CHD6: variants seen among roughly 807,000 people sequenced by gnomAD.
CHD6 encodes ATP-dependent chromatin remodeler CHD6.
CHD6 carries 50 observed loss-of-function variants against 276.9 expected under a neutral mutation model. The observed-to-expected ratio is 0.18, with a 90% CI of 0.14 to 0.23. The LOEUF (loss-of-function observed/expected upper bound fraction) is 0.23. CHD6 is among the 10% of genes least tolerant of loss of function. The probability of loss-of-function intolerance (pLI) is 1.00; values close to 1 mark genes in which losing one functional copy is unlikely to be tolerated. For missense variants in CHD6, 2,564 were observed against 3,365.8 expected (o/e 0.76, Z 5.89); for synonymous variants, 1,173 against 1,229.3 (o/e 0.95, Z 0.96).
chr20:41,535,649 A>G (rs570244452), intron 2 of CHD6, among the ~76,000 whole-genome samples: 1 of 152,308 alleles, frequency 6.6e-6, no homozygotes, highest in South Asian at 2.1e-4. Context: ...ACTTGAGGTC[A>G]GGAGTTAGAG....
At chr20:41,555,750 C>T (rs1277156298) in intron 1 of CHD6, among the ~76,000 whole-genome samples, 2 of 151,180 alleles carry the variant, frequency 1.3e-5, no homozygotes, top group Admixed American at 6.6e-5. Context: ...CGGGCAGAGA[C>T]GCTCCTCACT....
At chr20:41,456,556 G>A (rs1203678814) in intron 18 of CHD6, among the ~76,000 whole-genome samples, 1 of 152,066 alleles carries the variant, frequency 6.6e-6, no homozygotes, top group African/African-American at 2.4e-5. Context: ...GGAATTCCAT[G>A]ACTCTCTGCA....
chr20:41,456,618 T>C (rs535612758), intron 18 of CHD6, among the ~76,000 whole-genome samples: 17 of 152,222 alleles, frequency 1.1e-4, no homozygotes, highest in Non-Finnish European at 2.4e-4. Context: ...TAAGAGGATA[T>C]GGAACATCTG....
chr20:41,615,349 C>CAAAA lies in CHD6; in HGVS notation c.-24+2987_-24+2990dup, dbSNP rs11379388. On this transcript the variant is annotated intron_variant, in intron 1 of 36. Coordinates refer to ENST00000373233, the MANE Select transcript of CHD6 (RefSeq NM_032221.5). ...CTCACAAGCATGTCACATTCCATTG[C>CAAAA]AAAAAAAAAAAAAAAAGTTCTCTAG... Among the ~76,000 whole-genome samples, 151 of 124,350 alleles carry CAAAA rather than the reference C, an allele frequency of 1.2e-3. 1 individual carries two copies. Among genetic ancestry groups the CAAAA allele is most frequent in the East Asian group, 9.5e-3 (43 of 4,504 alleles). 81.6% of individuals were successfully genotyped at this position (124,350 alleles called of 152,430 possible).
intron 3 of CHD6, among the ~76,000 whole-genome samples, chr20:41,528,337 T>C (rs1289430352): frequency 6.6e-6 from 1 of 152,206 alleles, no homozygotes; most frequent in Non-Finnish European, 1.5e-5. Flanking sequence ...TGCATAGGTA[T>C]GTGTATATGT....
At chr20:41,442,429 G>C (rs1169634345) in intron 25 of CHD6, among the ~76,000 whole-genome samples, 1 of 152,202 alleles carries the variant, frequency 6.6e-6, no homozygotes, top group African/African-American at 2.4e-5. Flanking sequence ...TCCAGCCTGA[G>C]TGACAGAGTG....
At chr20:41,444,156 G>A (rs2047990625) in intron 25 of CHD6, among the ~76,000 whole-genome samples, 1 of 152,112 alleles carries the variant, frequency 6.6e-6, no homozygotes, top group Non-Finnish European at 1.5e-5. Flanking sequence ...ACTGTCTTCT[G>A]GGGTCCTTCC....
intron 23 of CHD6, among the ~76,000 whole-genome samples, chr20:41,450,123 A>C (rs1021810173): frequency 2.6e-5 from 4 of 152,206 alleles, no homozygotes; most frequent in Non-Finnish European, 4.4e-5. Flanking sequence ...GTAAAAGAAA[A>C]AAAACAAAAC....
Position 41,405,073 on chromosome 20 carries a change from G to A in CHD6, c.7668C>T (p.Ser2556=), listed in dbSNP as rs1464146903. 2 of 1,614,074 alleles carry A rather than the reference G, an allele frequency of 1.2e-6. No individual in the cohort carries two copies. The highest frequency in any genetic ancestry group is 1.7e-6 in the Non-Finnish European group (2 of 1,180,048). Residue 2556 remains serine, a synonymous_variant, in exon 37 of 37, where the codon AGC becomes AGT. Coordinates refer to ENST00000373233, the MANE Select transcript of CHD6 (RefSeq NM_032221.5). ...TCACTGCCGTACCACTTTTCGTTGT[G>A]CTTGATAGAGACGCCGGAGCAGTGG... ...CTSTAPASLS[S]TTKSGTAVTE...
rs957647796 is a variant in CHD6, at chr20:41,409,722, G to A, written c.7251+2422C>T. On this transcript the variant is annotated intron_variant, in intron 36 of 36. Coordinates refer to ENST00000373233, the MANE Select transcript of CHD6 (RefSeq NM_032221.5). ...ACTGGTGGAATCTGAATATAGACTA[G>A]ATAACAAGTATTATTAATATGCATG... Among the ~76,000 whole-genome samples the A allele has an allele frequency of 3.4e-4, 52 of 152,212 alleles. 1 individual carries two copies. The highest frequency in any genetic ancestry group is 1.2e-3 in the African/African-American group (51 of 41,538).
chr20:41,477,492 T>C (rs1373855249), intron 16 of CHD6, among the ~76,000 whole-genome samples: 1 of 152,050 alleles, frequency 6.6e-6, no homozygotes, highest in Non-Finnish European at 1.5e-5. Flanking sequence ...TTTACCAAAA[T>C]TACAGAAGGG....
chr20:41,571,287 C>T (rs2045413056), intron 1 of CHD6, among the ~76,000 whole-genome samples: 1 of 151,792 alleles, frequency 6.6e-6, no homozygotes, highest in Non-Finnish European at 1.5e-5. Context: ...TGCTTAAAGT[C>T]TTGGTAAGAA....
intron 1 of CHD6, 112 bp from the exon 2 acceptor site, chr20:41,551,472 G>A: frequency 1.7e-6 from 1 of 585,462 alleles, no homozygotes; most frequent in Non-Finnish European, 3.0e-6. Flanking sequence ...GATTACTTCT[G>A]CAGAACATTT....
intron 36 of CHD6, among the ~76,000 whole-genome samples, chr20:41,406,194 G>A (rs1221762817): frequency 1.3e-5 from 2 of 152,154 alleles, no homozygotes; most frequent in Non-Finnish European, 2.9e-5. Context: ...AAGAAATGAA[G>A]GACTTCTTGA....
rs139846373 is a variant in CHD6, at chr20:41,473,235, C to T, written c.2664+87G>A. On this transcript the variant is annotated intron_variant, in intron 17 of 36. Coordinates refer to ENST00000373233, the MANE Select transcript of CHD6 (RefSeq NM_032221.5). The surrounding 1 kb of genome is among the most constrained non-coding windows in gnomAD (Gnocchi z 4.1). Reference sequence around the variant, plus strand: ...GCTGACACCATAGCATAGAGCATCACGGATGCTCTGTAGCCAAGCCAGGCC... The same window carrying T: ...GCTGACACCATAGCATAGAGCATCATGGATGCTCTGTAGCCAAGCCAGGCC... 9.4e-6 allele frequency: 12 copies of T among 1,276,170 alleles called. No individual in the cohort carries two copies. Among genetic ancestry groups the T allele is most frequent in the South Asian group, 2.7e-5 (2 of 73,720 alleles). The allele number at this position is 1,276,170 out of a possible 1,614,324, so 79.1% of individuals were successfully genotyped here.
intron 5 of CHD6, among the ~76,000 whole-genome samples, chr20:41,500,010 C>T (rs999001935): frequency 6.6e-6 from 1 of 152,118 alleles, no homozygotes; most frequent in African/African-American, 2.4e-5. Context: ...CCCTAGATAA[C>T]CATCAACACT....
chr20:41,449,035 G>A (rs1305937319), intron 23 of CHD6, among the ~76,000 whole-genome samples: 1 of 151,868 alleles, frequency 6.6e-6, no homozygotes, highest in Non-Finnish European at 1.5e-5. Context: ...CCGAGTAGCT[G>A]GGATTACAGG....
At chr20:41,584,294 CT>C (rs1224761183) in intron 1 of CHD6, among the ~76,000 whole-genome samples, 3 of 152,056 alleles carry the variant, frequency 2.0e-5, no homozygotes, top group Non-Finnish European at 4.4e-5. Flanking sequence ...TATAACGATC[CT>C]TAATATGTAT....
chr20:41,517,249 A>T (rs949557636), intron 3 of CHD6, among the ~76,000 whole-genome samples: 2 of 152,182 alleles, frequency 1.3e-5, no homozygotes, highest in African/African-American at 4.8e-5. Context: ...GGACACATAG[A>T]GGGGAATGAC....
Sources: allele counts gnomAD v4.1 joint callset (sites outside exome capture counted in the v4.1 genomes callset), GRCh38; gene constraint gnomAD v4.1.1; non-coding constraint Gnocchi (gnomAD v3.1); transcripts MANE v1.5; gene names NCBI Gene and HGNC (gene_info 2026-07-23, HGNC 2026-07-21).